RUNX2: variants seen among roughly 807,000 people sequenced by gnomAD.
The protein encoded by RUNX2 is runt-related transcription factor 2.
Under a neutral mutation model 51.7 loss-of-function variants are expected in RUNX2, and 10 were observed. That is an observed-to-expected ratio of 0.19 (90% confidence interval 0.12 to 0.33). The LOEUF (loss-of-function observed/expected upper bound fraction) is 0.33, where lower values mean the gene tolerates loss of function less well. Among genes scored for constraint, RUNX2 ranks in the 10% least tolerant of loss-of-function variants. The pLI, the probability that RUNX2 is intolerant of heterozygous loss-of-function variation, is 1.00. For synonymous variants in RUNX2, 276 were observed against 273.6 expected, an observed-to-expected ratio of 1.01 and a Z score of -0.09; for missense variants, 562 against 691.3, an observed-to-expected ratio of 0.81 and a Z score of 2.10.
chr6:45,540,747 T>C (rs1371366210), intron 7 of RUNX2, among the ~76,000 whole-genome samples: 1 of 152,182 alleles, frequency 6.6e-6, no homozygotes, highest in Non-Finnish European at 1.5e-5. Flanking sequence ...CATGGGTTTC[T>C]GGCCTGGCCC....
intron 2 of RUNX2, among the ~76,000 whole-genome samples, chr6:45,330,862 G>C (rs530740531): frequency 1.3e-5 from 2 of 152,000 alleles, no homozygotes; most frequent in East Asian, 3.9e-4. Context: ...AATTACAGGT[G>C]AGTAGTGGAC....
At chr6:45,534,302 C>T (rs1801962448) in intron 7 of RUNX2, among the ~76,000 whole-genome samples, 1 of 152,152 alleles carries the variant, frequency 6.6e-6, no homozygotes. Context: ...CACTTCAGCT[C>T]TGCACTAATG....
chr6:45,522,808 G>T (rs1801548042), intron 7 of RUNX2, among the ~76,000 whole-genome samples: 1 of 152,206 alleles, frequency 6.6e-6, no homozygotes, highest in Non-Finnish European at 1.5e-5. Flanking sequence ...AGTGCTGCAT[G>T]CTTCAGGGTT....
At chr6:45,545,742 G>C (rs1802380064) in intron 8 of RUNX2, among the ~76,000 whole-genome samples, 1 of 152,152 alleles carries the variant, frequency 6.6e-6, no homozygotes, top group South Asian at 2.1e-4. Flanking sequence ...TCACAATTCT[G>C]TCAATTCTAG....
intron 5 of RUNX2, among the ~76,000 whole-genome samples, chr6:45,480,678 A>G (rs373493767): frequency 4.6e-5 from 7 of 152,240 alleles, no homozygotes; most frequent in African/African-American, 1.7e-4. Flanking sequence ...AAAAGGTCTT[A>G]GACTAGATTA....
intron 5 of RUNX2, among the ~76,000 whole-genome samples, chr6:45,450,088 C>T (rs1204766786): frequency 6.6e-6 from 1 of 152,160 alleles, no homozygotes; most frequent in Non-Finnish European, 1.5e-5. Context: ...TGGAATGCTA[C>T]AGAATGGCAT....
At position 45,499,665 on chromosome 6, in the gene RUNX2, A is replaced by AT. The variant is rs562462997; in HGVS notation, c.859+7558dup. On this transcript the variant is annotated intron_variant, in intron 6 of 8. Coordinates refer to ENST00000647337, the MANE Select transcript of RUNX2 (RefSeq NM_001024630.4). ...AGAGGGTGATGTTCCCAGAAAAATTATTTTTTTGTTTCAAAAAATTGTCTT... is the reference window on the plus strand; with the variant it reads ...AGAGGGTGATGTTCCCAGAAAAATTATTTTTTTTGTTTCAAAAAATTGTCTT... Among the ~76,000 whole-genome samples, 295 of 152,246 alleles carry AT rather than the reference A, an allele frequency of 1.9e-3. 1 individual carries two copies. The highest frequency in any genetic ancestry group is 0.01 in the Middle Eastern group (3 of 294).
intron 7 of RUNX2, among the ~76,000 whole-genome samples, chr6:45,526,622 C>A (rs1242367255): frequency 6.6e-6 from 1 of 152,176 alleles, no homozygotes; most frequent in South Asian, 2.1e-4. Flanking sequence ...CAAGTTATTG[C>A]CAACATTAAA....
At position 45,496,705 on chromosome 6, in the gene RUNX2, G is replaced by A. The variant is rs114523655; in HGVS notation, c.859+4591G>A. On this transcript the variant is annotated intron_variant, in intron 6 of 8. Coordinates refer to ENST00000647337, the MANE Select transcript of RUNX2 (RefSeq NM_001024630.4). ...GATTGTAGTGGGCTACCAGTGTAGT[G>A]GGGGATGTGAAGCAAGGGAATGACA... Among the ~76,000 whole-genome samples, 837 of 152,264 alleles carry A rather than the reference G, an allele frequency of 5.5e-3. 10 individuals carry two copies. Among genetic ancestry groups the A allele is most frequent in the African/African-American group, 0.019 (780 of 41,546 alleles).
chr6:45,467,855 T>C (rs1799681870), intron 5 of RUNX2, among the ~76,000 whole-genome samples: 1 of 152,194 alleles, frequency 6.6e-6, no homozygotes, highest in Admixed American at 6.5e-5. Context: ...AAATAATATA[T>C]CTCTGTAAAA....
At chr6:45,363,084 A>C (rs142025540) in intron 2 of RUNX2, among the ~76,000 whole-genome samples, 5,848 of 152,122 alleles carry the variant, frequency 0.038, 146 homozygotes, top group Middle Eastern at 0.058. Context: ...AGAGATTATC[A>C]AACTTTTTCT....
chr6:45,496,175 A>G (rs558658656), intron 6 of RUNX2, among the ~76,000 whole-genome samples: 1 of 152,238 alleles, frequency 6.6e-6, no homozygotes, highest in East Asian at 1.9e-4. Context: ...ATCGCTTAAG[A>G]TATCTTTAAA....
chr6:45,458,825 T>A lies in RUNX2; in HGVS notation c.685+20774T>A, dbSNP rs546648874. 3.9e-5 allele frequency among the ~76,000 whole-genome samples: 6 copies of A among 152,334 alleles called. No individual in the cohort carries two copies. In the South Asian group the frequency reaches 1.0e-3, roughly 26 times the overall value. On this transcript the variant is annotated intron_variant, in intron 5 of 8. Transcript: ENST00000647337. ...GAACCTCTTGACTCCTTCAAATTCCTGAGGTGCTCTTTTGTTAATGTCTCT... is the reference window on the plus strand; with the variant it reads ...GAACCTCTTGACTCCTTCAAATTCCAGAGGTGCTCTTTTGTTAATGTCTCT...
At chr6:45,495,063 G>C (rs951437719) in intron 6 of RUNX2, among the ~76,000 whole-genome samples, 1 of 152,168 alleles carries the variant, frequency 6.6e-6, no homozygotes, top group Non-Finnish European at 1.5e-5. Flanking sequence ...CAAGGCCACT[G>C]TGTTATCTTC....
intron 2 of RUNX2, among the ~76,000 whole-genome samples, chr6:45,405,795 A>AT (rs199677146): frequency 0.075 from 11,390 of 152,226 alleles, 592 homozygotes; most frequent in South Asian, 0.18. Context: ...CTCAAAAAAA[A>AT]AAATCAACTA....
At chr6:45,531,911 T>C (rs965979560) in intron 7 of RUNX2, among the ~76,000 whole-genome samples, 5 of 152,172 alleles carry the variant, frequency 3.3e-5, no homozygotes, top group Non-Finnish European at 4.4e-5. Flanking sequence ...AACAATTTGC[T>C]TAAATAATCT....
chr6:45,490,089 G>A (rs1800415706), intron 5 of RUNX2, among the ~76,000 whole-genome samples: 1 of 152,188 alleles, frequency 6.6e-6, no homozygotes, highest in African/African-American at 2.4e-5. Flanking sequence ...TCCTCGTGAA[G>A]GCTCAGCTAG....
At chr6:45,481,031 G>A (rs2150399755) in intron 5 of RUNX2, among the ~76,000 whole-genome samples, 1 of 152,314 alleles carries the variant, frequency 6.6e-6, no homozygotes, top group Non-Finnish European at 1.5e-5. Context: ...CAAGAGAGGA[G>A]CCCTTTGCCT....
chr6:45,519,010 G>T (rs1390390555), intron 7 of RUNX2, among the ~76,000 whole-genome samples: 1 of 152,080 alleles, frequency 6.6e-6, no homozygotes, highest in African/African-American at 2.4e-5. Flanking sequence ...TGCCTCAGTG[G>T]TCCTATGTTA....
Sources: allele counts gnomAD v4.1 joint callset (sites outside exome capture counted in the v4.1 genomes callset), GRCh38; gene constraint gnomAD v4.1.1; transcripts MANE v1.5; gene names NCBI Gene and HGNC (gene_info 2026-07-23, HGNC 2026-07-21).